The following ABHD17B variants were observed in gnomAD, a reference collection of about 807,000 sequenced individuals.
The protein encoded by ABHD17B is alpha/beta hydrolase domain-containing protein 17B.
ABHD17B carries 9 observed loss-of-function variants against 26.2 expected under a neutral mutation model. The observed-to-expected ratio is 0.34, with a 90% CI of 0.21 to 0.60. The LOEUF (loss-of-function observed/expected upper bound fraction) is 0.60, where lower values mean the gene tolerates loss of function less well. ABHD17B is among the 20% of genes least tolerant of loss of function. The pLI, the probability that ABHD17B is intolerant of heterozygous loss-of-function variation, is 0.80. For missense variants in ABHD17B, 224 were observed against 352.1 expected (o/e 0.64, Z 2.91); for synonymous variants, 127 against 122.3 (o/e 1.04, Z -0.25).
intron 2 of ABHD17B, among the ~76,000 whole-genome samples, chr9:71,873,752 C>A (rs1004462785): frequency 6.6e-6 from 1 of 152,036 alleles, no homozygotes. Flanking sequence ...CCAGACTGGT[C>A]TCGAACTCCT....
chr9:71,897,089 A>G lies in ABHD17B; in HGVS notation c.-4+13545T>C, dbSNP rs933169088. 2.6e-5 allele frequency among the ~76,000 whole-genome samples: 4 copies of G among 152,362 alleles called. No homozygotes were observed. In the East Asian group the frequency reaches 7.7e-4, roughly 29 times the overall value. ...GTGCCAACTAATGGCTAATAAATCA[A>G]TCTGTCCCCTTTTTACCTAAAGATT... On this transcript the variant is annotated intron_variant, in intron 1 of 3. Transcript: ENST00000333421.
chr9:71,863,866 C>A (rs1312800355), downstream of ABHD17B, among the ~76,000 whole-genome samples: 3 of 152,276 alleles, frequency 2.0e-5, no homozygotes, highest in East Asian at 5.8e-4. Context: ...TTTACGGTAC[C>A]TTTTCCAACT....
rs1306633168 is a variant in ABHD17B, at chr9:71,865,871, A to G, written c.*916T>C. 2.0e-6 allele frequency: 2 copies of G among 985,012 alleles called. No homozygotes were observed. The highest frequency in any genetic ancestry group is 3.5e-5 in the African/African-American group (2 of 57,216). The allele number at this position is 985,012 out of a possible 1,614,324, so 61.0% of individuals were successfully genotyped here. On this transcript the variant is annotated 3_prime_UTR_variant, in exon 4 of 4. Coordinates refer to ENST00000333421, the MANE Select transcript of ABHD17B (RefSeq NM_001025780.3). Reference sequence around the variant, plus strand: ...GCAAGACTCCATCTCAAAAAATGAAAAAAATAGCCAAAGTGAAAAGGGATC... The same window carrying G: ...GCAAGACTCCATCTCAAAAAATGAAGAAAATAGCCAAAGTGAAAAGGGATC...
At chr9:71,862,740 T>C, downstream of ABHD17B, 1 of 584,928 alleles carries the variant, frequency 1.7e-6, no homozygotes, top group South Asian at 2.2e-5. Context: ...AGAATACCAC[T>C]ATTTACATGA....
At chr9:71,910,381 C>T (rs1246942776) in intron 1 of ABHD17B, among the ~76,000 whole-genome samples, 2 of 152,120 alleles carry the variant, frequency 1.3e-5, no homozygotes, top group Non-Finnish European at 2.9e-5. Flanking sequence ...GCTCCACGGA[C>T]CGCAGGGACT....
chr9:71,882,633 G>A (rs1589219464), intron 1 of ABHD17B, among the ~76,000 whole-genome samples: 1 of 151,360 alleles, frequency 6.6e-6, no homozygotes, highest in African/African-American at 2.4e-5. Context: ...ACTCCAACCT[G>A]GGCAACAGAC....
chr9:71,900,951 C>T (rs1827119135), intron 1 of ABHD17B, among the ~76,000 whole-genome samples: 1 of 152,014 alleles, frequency 6.6e-6, no homozygotes, highest in Non-Finnish European at 1.5e-5. Flanking sequence ...AGATTGAGAC[C>T]GTCCTGGCTA....
intron 1 of ABHD17B, among the ~76,000 whole-genome samples, chr9:71,908,982 C>T (rs1308495351): frequency 6.6e-6 from 1 of 152,176 alleles, no homozygotes; most frequent in Non-Finnish European, 1.5e-5. Context: ...TTGCTTAATT[C>T]TTCTGTGTTC....
At position 71,908,507 on chromosome 9, in the gene ABHD17B, G is replaced by A. The variant is rs547259688; in HGVS notation, c.-4+2127C>T. Among the ~76,000 whole-genome samples the A allele has an allele frequency of 3.3e-5, 5 of 152,130 alleles. No homozygotes were observed. The South Asian group carries it at 1.0e-3, about 32-fold the overall frequency. On this transcript the variant is annotated intron_variant, in intron 1 of 3. Transcript: ENST00000333421. Reference sequence around the variant, plus strand: ...TGTGAGAAATTTTAAAGAGTAGGAAGGGTAGGGGGAATTTTCAGAATTAAG... The same window carrying A: ...TGTGAGAAATTTTAAAGAGTAGGAAAGGTAGGGGGAATTTTCAGAATTAAG...
intron 1 of ABHD17B, among the ~76,000 whole-genome samples, chr9:71,899,788 G>T (rs1197343892): frequency 6.6e-6 from 1 of 151,632 alleles, no homozygotes; most frequent in Non-Finnish European, 1.5e-5. Context: ...CTATTTCGGG[G>T]ACATCATATC....
At chr9:71,887,926 C>T (rs1403006892) in intron 1 of ABHD17B, among the ~76,000 whole-genome samples, 1 of 152,154 alleles carries the variant, frequency 6.6e-6, no homozygotes, top group Non-Finnish European at 1.5e-5. Context: ...ATGAGCAGTG[C>T]AACTCAATTA....
chr9:71,887,243 A>G lies in ABHD17B; in HGVS notation c.-3-12160T>C, dbSNP rs958209027. Among the ~76,000 whole-genome samples, 3 of 152,172 alleles carry G rather than the reference A, an allele frequency of 2.0e-5. No homozygotes were observed. The South Asian group carries it at 6.2e-4, about 31-fold the overall frequency. On this transcript the variant is annotated intron_variant, in intron 1 of 3. Coordinates refer to ENST00000333421, the MANE Select transcript of ABHD17B (RefSeq NM_001025780.3). ...TGAAGATAGGAGGCATCAACCAGAG[A>G]CATCAAAATAGTGTCAGTTCTAGTG... is the stretch of plus-strand genomic sequence containing the variant.
At chr9:71,894,051 G>A (rs1362633092) in intron 1 of ABHD17B, among the ~76,000 whole-genome samples, 1 of 129,696 alleles carries the variant, frequency 7.7e-6, no homozygotes, top group Non-Finnish European at 1.5e-5. Flanking sequence ...TCGCACCACT[G>A]CACTCCAGCC....
At chr9:71,887,317 G>C (rs1223164240) in intron 1 of ABHD17B, among the ~76,000 whole-genome samples, 1 of 152,166 alleles carries the variant, frequency 6.6e-6, no homozygotes, top group Non-Finnish European at 1.5e-5. Flanking sequence ...GTAAGGTTCA[G>C]AAATGAAGAT....
chr9:71,904,314 G>T (rs1827223201), intron 1 of ABHD17B, among the ~76,000 whole-genome samples: 1 of 152,082 alleles, frequency 6.6e-6, no homozygotes, highest in South Asian at 2.1e-4. Context: ...AATAGTGACT[G>T]GTACCCAGTG....
intron 1 of ABHD17B, among the ~76,000 whole-genome samples, chr9:71,908,304 A>G (rs1827344165): frequency 6.6e-6 from 1 of 151,556 alleles, no homozygotes. Flanking sequence ...AGGCAGAAGA[A>G]TCACTTGAAC....
At chr9:71,905,032 A>G (rs1019137875) in intron 1 of ABHD17B, among the ~76,000 whole-genome samples, 39 of 152,338 alleles carry the variant, frequency 2.6e-4, no homozygotes, top group African/African-American at 9.4e-4. Flanking sequence ...TCTCCAAAAG[A>G]ATGATACATT....
At chr9:71,868,238 G>T (rs867862786) in intron 3 of ABHD17B, among the ~76,000 whole-genome samples, 31 of 151,656 alleles carry the variant, frequency 2.0e-4, no homozygotes, top group South Asian at 1.0e-3. Context: ...AAGAAAGAAA[G>T]AAAGAAAGAA....
intron 1 of ABHD17B, among the ~76,000 whole-genome samples, chr9:71,892,483 A>C (rs76598724): frequency 0.018 from 2,775 of 152,078 alleles, 83 homozygotes; most frequent in African/African-American, 0.063. Context: ...CAGTGAGAGG[A>C]GATCACGCCA....
Sources: gnomAD v4.1 joint callset for allele counts (sites outside exome capture counted in the v4.1 genomes callset) on GRCh38, gnomAD v4.1.1 for gene constraint, MANE v1.5 for transcripts, NCBI Gene and HGNC (gene_info 2026-07-23, HGNC 2026-07-21) for gene names.